The following RFX1 variants were observed in gnomAD, a reference collection of about 807,000 sequenced individuals.
The protein encoded by RFX1 is MHC class II regulatory factor RFX1.
Under a neutral mutation model 119.6 loss-of-function variants are expected in RFX1, and 42 were observed. That is an observed-to-expected ratio of 0.35 (90% CI 0.27 to 0.45). The LOEUF is 0.45. Among genes scored for constraint, RFX1 ranks in the 20% least tolerant of loss-of-function variants. The pLI, the probability that RFX1 is intolerant of heterozygous loss-of-function variation, is 1.00. For missense variants in RFX1, 1,118 were observed against 1,368.1 expected, an observed-to-expected ratio of 0.82 and a Z score of 2.88; for synonymous variants, 628 against 618.5, an observed-to-expected ratio of 1.02 and a Z score of -0.23.
rs1430222103 is a variant in RFX1, at chr19:13,962,669, G to T, written c.*26C>A. On this transcript the variant is annotated 3_prime_UTR_variant, in exon 21 of 21. Transcript: ENST00000254325. Reference sequence around the variant, plus strand: ...ACCCTGGCGTGGAGGGGTGGCGGGGGCGGGTGGGGCGGGGAGGCCAAGGGC... The same window carrying T: ...ACCCTGGCGTGGAGGGGTGGCGGGGTCGGGTGGGGCGGGGAGGCCAAGGGC... 15 of 1,495,840 alleles carry T rather than the reference G, an allele frequency of 1.0e-5. No homozygotes were observed. In the Admixed American group the frequency reaches 3.2e-4, roughly 32 times the overall value. 92.7% of individuals were successfully genotyped at this position (1,495,840 alleles called of 1,614,324 possible). A position where few individuals can be genotyped will look rare whatever the true frequency, so the allele number is the denominator to read the frequency against.
rs1416277981 is a variant in RFX1, at chr19:13,965,819, T to C, written c.1962-42A>G. ...CACCCCGGGTCACTGGGGTACTCTATGGTCCTGCCCCCATCGTCAGAAGGG... is the reference window on the plus strand; with the variant it reads ...CACCCCGGGTCACTGGGGTACTCTACGGTCCTGCCCCCATCGTCAGAAGGG... On this transcript the variant is annotated intron_variant, in intron 14 of 20. Coordinates refer to ENST00000254325, the MANE Select transcript of RFX1 (RefSeq NM_002918.5). The surrounding 1 kb of genome is among the most constrained non-coding windows in gnomAD (Gnocchi z 4.7). The C allele has an allele frequency of 8.1e-6, 13 of 1,606,058 alleles. No homozygotes were observed. Among genetic ancestry groups the C allele is most frequent in the Middle Eastern group, 3.7e-4 (2 of 5,452 alleles).
At chr19:13,983,338 C>T (rs557811879) in intron 3 of RFX1, 68 bp from the exon 4 acceptor site, 43 of 1,368,670 alleles carry the variant, frequency 3.1e-5, no homozygotes, top group Admixed American at 2.5e-4. Flanking sequence ...GGTTGGGTGG[C>T]GGGCGGCTGC....
At chr19:13,987,648 G>T (rs1483852296) in intron 2 of RFX1, among the ~76,000 whole-genome samples, 3 of 152,304 alleles carry the variant, frequency 2.0e-5, no homozygotes, top group African/African-American at 4.8e-5. Flanking sequence ...TGCAAGGGGT[G>T]GGGGAGGGGA....
Position 13,968,151 on chromosome 19 carries a change from G to T in RFX1, c.1732+414C>A, listed in dbSNP as rs185105382. Reference sequence around the variant, plus strand: ...TGCCTGTAGTTCCAGCTACTCAGGAGGCTGAGGCAGGAGAATCACTTGAAC... The same window carrying T: ...TGCCTGTAGTTCCAGCTACTCAGGATGCTGAGGCAGGAGAATCACTTGAAC... On this transcript the variant is annotated intron_variant, in intron 12 of 20. Transcript: ENST00000254325. This position sits in a 1 kb window ranked among gnomAD's most constrained non-coding sequence, Gnocchi z 5.5. Among the ~76,000 whole-genome samples the T allele has an allele frequency of 6.6e-6, 1 of 152,150 alleles. No homozygotes were observed. The highest frequency in any genetic ancestry group is 2.4e-5 in the African/African-American group (1 of 41,440).
At chr19:14,002,981 T>C (rs1599527471) in intron 1 of RFX1, among the ~76,000 whole-genome samples, 1 of 152,304 alleles carries the variant, frequency 6.6e-6, no homozygotes, top group East Asian at 1.9e-4. Context: ...TGAGCCCAAG[T>C]AGCATTTTGT....
chr19:13,962,415 G>A lies in RFX1; in HGVS notation c.*280C>T. The stretch of plus-strand genomic sequence containing the variant: ...GGGAGAAGACGCTGGGGCCTGGGAG[G>A]GGGGCGGCCAAGGGGCCGAGCTGGA... On this transcript the variant is annotated 3_prime_UTR_variant, in exon 21 of 21. Transcript: ENST00000254325. 6.2e-6 allele frequency: 3 copies of A among 480,624 alleles called. No individual in the cohort carries two copies. The highest frequency in any genetic ancestry group is 1.1e-5 in the Non-Finnish European group (3 of 271,376). The allele number at this position is 480,624 out of a possible 1,614,324, so 29.8% of individuals were successfully genotyped here. A position where few individuals can be genotyped will look rare whatever the true frequency, so the allele number is the denominator to read the frequency against.
chr19:13,964,073 C>A, intron 16 of RFX1, 66 bp from the exon 17 acceptor site: 2 of 1,448,542 alleles, frequency 1.4e-6, no homozygotes, highest in Middle Eastern at 2.4e-4. Context: ...CTGGCCCCAC[C>A]CCGCTGCAAC....
At chr19:13,983,935 G>T (rs1050547832) in intron 2 of RFX1, among the ~76,000 whole-genome samples, 1 of 152,180 alleles carries the variant, frequency 6.6e-6, no homozygotes, top group Non-Finnish European at 1.5e-5. Flanking sequence ...TTGTGGACAG[G>T]CAGGGAACTG....
At chr19:13,974,335 G>A (rs1415265989) in intron 8 of RFX1, among the ~76,000 whole-genome samples, 1 of 152,166 alleles carries the variant, frequency 6.6e-6, no homozygotes. Flanking sequence ...GGCTGGGGAA[G>A]CCTCTCTCCT....
At chr19:13,989,434 A>T (rs1321906308) in intron 2 of RFX1, among the ~76,000 whole-genome samples, 1 of 151,936 alleles carries the variant, frequency 6.6e-6, no homozygotes, top group Non-Finnish European at 1.5e-5. Flanking sequence ...GCAATGGTGC[A>T]GTCTTGGCTC....
intron 1 of RFX1, among the ~76,000 whole-genome samples, chr19:13,995,591 C>T (rs546788705): frequency 6.6e-6 from 1 of 152,308 alleles, no homozygotes; most frequent in East Asian, 1.9e-4. Flanking sequence ...TGGCTCACGC[C>T]TGTAATCCCA....
upstream of RFX1, chr19:14,006,632 G>A (rs1051902914): frequency 6.6e-6 from 1 of 152,242 alleles, no homozygotes; most frequent in African/African-American, 2.4e-5. Flanking sequence ...TTCGACTAAA[G>A]GGACGTCAAT....
intron 2 of RFX1, among the ~76,000 whole-genome samples, chr19:13,988,746 C>T (rs940757201): frequency 4.6e-5 from 7 of 152,118 alleles, no homozygotes; most frequent in African/African-American, 1.4e-4. Flanking sequence ...ACCAGCGGGG[C>T]GCAGTGGCTC....
chr19:13,979,376 G>A (rs1974356536), intron 7 of RFX1, 71 bp downstream of exon 7: 3 of 1,038,428 alleles, frequency 2.9e-6, no homozygotes, highest in East Asian at 2.8e-5. Flanking sequence ...GCGGCCTCAG[G>A]GGCCTGCACT....
rs368862012 is a variant in RFX1 at position 13,965,648 on chromosome 19, G to A, written c.2091C>T (p.Pro697=). 1.7e-5 allele frequency: 27 copies of A among 1,613,526 alleles called. No individual in the cohort carries two copies. The highest frequency in any genetic ancestry group is 4.0e-5 in the African/African-American group (3 of 74,902). ...CACTGGGGATGGGCCGCAGCACGTC[G>A]GGAATGAGGATTTCCACCAGGCCCT... is the stretch of plus-strand genomic sequence containing the variant. ...LYQGLVEILI[P]DVLRPIPSAL... Residue 697 remains proline, a synonymous_variant, in exon 15 of 21, where the codon CCC becomes CCT. Coordinates refer to ENST00000254325, the MANE Select transcript of RFX1 (RefSeq NM_002918.5). This position sits in a 1 kb window ranked among gnomAD's most constrained non-coding sequence, Gnocchi z 4.7.
intron 7 of RFX1, among the ~76,000 whole-genome samples, chr19:13,978,390 G>A (rs1278639423): frequency 1.3e-5 from 2 of 152,326 alleles, no homozygotes; most frequent in East Asian, 3.9e-4. Flanking sequence ...CAGGCACAGG[G>A]GCAAGGCTAT....
intron 4 of RFX1, 68 bp from the exon 5 acceptor site, chr19:13,982,296 GCGC>G: frequency 9.2e-6 from 8 of 868,952 alleles, no homozygotes; most frequent in African/African-American, 8.6e-5. Flanking sequence ...CCGAGCATCT[GCGC>G]AGTGCCAGGT....
At chr19:14,004,927 C>T (rs1415520869) in intron 1 of RFX1, among the ~76,000 whole-genome samples, 1 of 152,202 alleles carries the variant, frequency 6.6e-6, no homozygotes, top group Admixed American at 6.5e-5. Flanking sequence ...TGGATAGCTT[C>T]CCCTTCCCTC....
Position 13,963,107 on chromosome 19 carries a change from G to T in RFX1, c.2724+15C>A. The T allele has an allele frequency of 6.2e-7, 1 of 1,609,964 alleles. No individual in the cohort carries two copies. Reference sequence around the variant, plus strand: ...TGGCGCCCCGCCCGCGCCCCCAGTGGCCCGCCTCGCGCACCTCGCCCATGA... The same window carrying T: ...TGGCGCCCCGCCCGCGCCCCCAGTGTCCCGCCTCGCGCACCTCGCCCATGA... On this transcript the variant is annotated intron_variant, in intron 19 of 20. Coordinates refer to ENST00000254325, the MANE Select transcript of RFX1 (RefSeq NM_002918.5).
Sources: gnomAD v4.1 joint callset for allele counts (sites outside exome capture counted in the v4.1 genomes callset) on GRCh38, gnomAD v4.1.1 for gene constraint, Gnocchi (gnomAD v3.1) non-coding constraint, MANE v1.5 for transcripts, NCBI Gene and HGNC (gene_info 2026-07-23, HGNC 2026-07-21) for gene names.